RANBP2: variants seen among roughly 807,000 people sequenced by gnomAD.
The protein encoded by RANBP2 is E3 SUMO-protein ligase RanBP2.
A neutral mutation model predicts 303.6 loss-of-function variants in RANBP2; 57 were observed. That is an observed-to-expected ratio of 0.19 (90% CI 0.15 to 0.23). The LOEUF (loss-of-function observed/expected upper bound fraction) is 0.23, where lower values mean the gene tolerates loss of function less well. Among genes scored for constraint, RANBP2 ranks in the 10% least tolerant of loss-of-function variants. The pLI, the probability that RANBP2 is intolerant of heterozygous loss-of-function variation, is 1.00. For synonymous variants in RANBP2, 1,167 were observed against 1,301.5 expected, an observed-to-expected ratio of 0.90 and a Z score of 2.23; for missense variants, 3,138 against 3,780.8, an observed-to-expected ratio of 0.83 and a Z score of 4.46.
the RANBP2 span, among the ~76,000 whole-genome samples, chr2:109,562,924 T>TC: frequency 6.6e-6 from 1 of 151,978 alleles, no homozygotes; most frequent in South Asian, 2.1e-4. Context: ...TTTTTTTTTT[T>TC]CTTTGAGATG....
chr2:109,319,021 T>C, the RANBP2 span, among the ~76,000 whole-genome samples: 1 of 152,202 alleles, frequency 6.6e-6, no homozygotes. Context: ...GGATTACAGA[T>C]GGGAAAGGAG....
the RANBP2 span, among the ~76,000 whole-genome samples, chr2:108,803,892 A>G: frequency 1.3e-5 from 2 of 152,192 alleles, no homozygotes; most frequent in Non-Finnish European, 2.9e-5. Flanking sequence ...TTAGATATGG[A>G]AAAAGTTGGA....
chr2:109,567,762 TAC>T, the RANBP2 span: 19 of 1,495,622 alleles, frequency 1.3e-5, no homozygotes, highest in South Asian at 2.2e-4. Context: ...ACTCACAAAT[TAC>T]AGTTTTATTT....
the RANBP2 span, chr2:109,565,871 T>C: frequency 6.2e-7 from 1 of 1,606,944 alleles, no homozygotes. Context: ...TGAAAAAGAA[T>C]ATCGAGCACA....
chr2:109,599,543 T>C, the RANBP2 span, among the ~76,000 whole-genome samples: 1 of 151,608 alleles, frequency 6.6e-6, no homozygotes, highest in African/African-American at 2.4e-5. Flanking sequence ...CCAGTGTGCA[T>C]GGCCTGTTTG....
chr2:109,600,538 G>GA, the RANBP2 span, among the ~76,000 whole-genome samples: 4,280 of 132,056 alleles, frequency 0.032, 66 homozygotes, highest in South Asian at 0.085. Context: ...GCAATGAGTT[G>GA]AAAAAAAAAA....
chr2:109,760,388 C>A, the RANBP2 span: 1 of 398,026 alleles, frequency 2.5e-6, no homozygotes, highest in Non-Finnish European at 3.0e-6. Context: ...GGCCGGGGGC[C>A]AGGCGGGGCG....
the RANBP2 span, among the ~76,000 whole-genome samples, chr2:109,262,413 T>C: frequency 1.3e-5 from 2 of 152,156 alleles, no homozygotes; most frequent in African/African-American, 2.4e-5. Flanking sequence ...AACTCTGCTT[T>C]CGATGCCCTG....
chr2:109,524,238 G>C, the RANBP2 span, among the ~76,000 whole-genome samples: 1 of 150,080 alleles, frequency 6.7e-6, no homozygotes, highest in African/African-American at 2.4e-5. Flanking sequence ...CTGGTAGGGA[G>C]GACCTGGGGC....
chr2:109,039,045 A>G, the RANBP2 span, among the ~76,000 whole-genome samples: 1 of 152,206 alleles, frequency 6.6e-6, no homozygotes, highest in Admixed American at 6.5e-5. Flanking sequence ...TTAACATCTA[A>G]ATCAGTAGAC....
the RANBP2 span, among the ~76,000 whole-genome samples, chr2:109,631,065 C>A: frequency 6.6e-6 from 1 of 152,048 alleles, no homozygotes; most frequent in South Asian, 2.1e-4. Context: ...CTTCAAAAAT[C>A]AAAAACAATA....
the RANBP2 span, among the ~76,000 whole-genome samples, chr2:109,671,806 T>G: frequency 2.6e-5 from 4 of 152,148 alleles, no homozygotes. Flanking sequence ...TCTTTTTGCT[T>G]GTTTTTTTGT....
chr2:109,496,045 G>C, the RANBP2 span, among the ~76,000 whole-genome samples: 1 of 152,168 alleles, frequency 6.6e-6, no homozygotes, highest in Non-Finnish European at 1.5e-5. Context: ...ACATGGAAGG[G>C]GACCCACCGG....
chr2:108,865,386 CCATTT>C, the RANBP2 span, among the ~76,000 whole-genome samples: 1 of 152,154 alleles, frequency 6.6e-6, no homozygotes, highest in South Asian at 2.1e-4. Context: ...TGATATATCT[CCATTT>C]CATTAGGATC....
the RANBP2 span, among the ~76,000 whole-genome samples, chr2:109,351,339 C>T: frequency 6.6e-6 from 1 of 152,198 alleles, no homozygotes; most frequent in Non-Finnish European, 1.5e-5. Context: ...GAGCACCTCG[C>T]CTTCCCAGTC....
intron 15 of RANBP2, 144 bp from the exon 16 acceptor site, chr2:108,754,761 A>G (rs1449588186): frequency 2.4e-6 from 3 of 1,233,426 alleles, no homozygotes; most frequent in African/African-American, 4.5e-5. Flanking sequence ...ATAATTAAAA[A>G]ACACTTTCAC....
At chr2:109,565,648 A>G in the RANBP2 span, 22 of 919,638 alleles carry the variant, frequency 2.4e-5, no homozygotes, top group Middle Eastern at 3.0e-3. Flanking sequence ...TACACAGCCA[A>G]TTCCTCTGAC....
chr2:109,287,437 C>T, the RANBP2 span, among the ~76,000 whole-genome samples: 1 of 152,118 alleles, frequency 6.6e-6, no homozygotes, highest in Admixed American at 6.6e-5. Flanking sequence ...TCTTGAGGTG[C>T]TTAGGTATCT....
At chr2:109,697,460 G>C in the RANBP2 span, among the ~76,000 whole-genome samples, 2 of 151,056 alleles carry the variant, frequency 1.3e-5, 1 homozygote, top group South Asian at 4.2e-4. Context: ...ACCCCAGCCT[G>C]GGCAATAAGA....
Sources: allele counts gnomAD v4.1 joint callset (sites outside exome capture counted in the v4.1 genomes callset), GRCh38; gene constraint gnomAD v4.1.1; transcripts MANE v1.5; gene names NCBI Gene and HGNC (gene_info 2026-07-23, HGNC 2026-07-21).